Variants in ZNF157 observed in about 807,000 individuals in gnomAD.
ZNF157 encodes the protein zinc finger protein 157.
Under a neutral mutation model 9.4 loss-of-function variants are expected in ZNF157, and 8 were observed. The ratio of observed to expected loss-of-function variants is 0.85; its 90% confidence interval spans 0.50 to 1.53. ZNF157 has a LOEUF of 1.53. ZNF157 is among the 40% of genes most tolerant of loss of function. ZNF157 has a pLI of 0.00. For missense variants in ZNF157, 316 were observed against 385.2 expected (o/e 0.82, Z 1.50); for synonymous variants, 120 against 130.8 (o/e 0.92, Z 0.56).
intron 1 of ZNF157, among the ~76,000 whole-genome samples, chrX:47,391,637 G>A (rs999515256): frequency 3.6e-5 from 4 of 110,371 alleles, no homozygotes; most frequent in Admixed American, 2.9e-4. Context: ...TGCAACCTCC[G>A]CCTCCTGGGT....
intron 1 of ZNF157, among the ~76,000 whole-genome samples, chrX:47,406,060 A>C (rs2055946098): frequency 9.3e-6 from 1 of 107,289 alleles, no homozygotes; most frequent in Non-Finnish European, 1.9e-5. Context: ...GTGTCCTCAT[A>C]GCTTTGCTTT....
intron 1 of ZNF157, among the ~76,000 whole-genome samples, chrX:47,383,255 C>T (rs554375931): frequency 4.8e-4 from 51 of 105,612 alleles, no homozygotes; most frequent in African/African-American, 1.7e-3. Flanking sequence ...ACCTGTAGTC[C>T]CAGCTGCTTG....
intron 1 of ZNF157, among the ~76,000 whole-genome samples, chrX:47,382,282 CTTTT>C (rs764704009): frequency 1.9e-5 from 1 of 53,359 alleles, no homozygotes; most frequent in African/African-American, 8.7e-5. Context: ...TTCAACAGAA[CTTTT>C]TTTTTTTTTT....
intron 1 of ZNF157, among the ~76,000 whole-genome samples, chrX:47,397,825 AGTCTTAGCTTCCAGTTC>A (rs2055918442): frequency 1.8e-5 from 2 of 109,934 alleles, no homozygotes; most frequent in African/African-American, 6.6e-5. Flanking sequence ...GCCGTGTGGC[AGTCTTAGCTTCCAGTTC>A]AATGAAATCA....
intron 1 of ZNF157, among the ~76,000 whole-genome samples, chrX:47,391,538 A>AT (rs1183207575): frequency 9.0e-6 from 1 of 111,301 alleles, no homozygotes; most frequent in Non-Finnish European, 1.9e-5. Context: ...CAGATTTTGG[A>AT]TTTTTTTTCC....
At chrX:47,404,283 G>C (rs981455576) in intron 1 of ZNF157, among the ~76,000 whole-genome samples, 1 of 109,020 alleles carries the variant, frequency 9.2e-6, no homozygotes, top group Admixed American at 9.9e-5. Context: ...CTGCCCCCTC[G>C]GCCTCCCTGT....
chrX:47,385,382 A>C (rs1602762692), intron 1 of ZNF157, among the ~76,000 whole-genome samples: 1 of 111,436 alleles, frequency 9.0e-6, no homozygotes, highest in Non-Finnish European at 1.9e-5. Context: ...TGAAGAGAGA[A>C]ATTCCCATGA....
rs2055938141 is a variant in ZNF157, at chrX:47,403,823, CT to C, written c.73-6448del. Among the ~76,000 whole-genome samples, 2 of 111,771 alleles carry C rather than the reference CT, an allele frequency of 1.8e-5. 1 individual carries two copies. Among genetic ancestry groups the C allele is most frequent in the South Asian group, 7.5e-4 (2 of 2,677 alleles). On this transcript the variant is annotated intron_variant, in intron 1 of 3. Coordinates refer to ENST00000377073, the MANE Select transcript of ZNF157 (RefSeq NM_003446.4). ...CAATTATGAACACACTCAAAACAAA[CT>C]TTTTAAGAAAGTTTTCATAAAAAAA...
chrX:47,408,389 G>A (rs1395331656), intron 1 of ZNF157, among the ~76,000 whole-genome samples: 8 of 109,674 alleles, frequency 7.3e-5, no homozygotes, highest in Middle Eastern at 4.8e-3. Context: ...GATTACAGGC[G>A]TGAGCCACCG....
intron 1 of ZNF157, 39 bp downstream of exon 1, chrX:47,370,779 AT>A: frequency 1.9e-6 from 2 of 1,027,401 alleles, no homozygotes; most frequent in Non-Finnish European, 2.6e-6. Flanking sequence ...TATGTTCTTT[AT>A]TTTTTTATTT....
chrX:47,401,877 C>T (rs949052550), intron 1 of ZNF157, among the ~76,000 whole-genome samples: 1 of 110,374 alleles, frequency 9.1e-6, no homozygotes, highest in Non-Finnish European at 1.9e-5. Context: ...GTAGCTAGGA[C>T]CACAGGTGTG....
intron 1 of ZNF157, among the ~76,000 whole-genome samples, chrX:47,385,304 A>T (rs771933867): frequency 9.0e-6 from 1 of 111,380 alleles, no homozygotes; most frequent in South Asian, 3.7e-4. Context: ...TGGAATAATG[A>T]TTACTGAAGC....
chrX:47,396,496 G>A (rs1246997017), intron 1 of ZNF157, among the ~76,000 whole-genome samples: 4 of 110,364 alleles, frequency 3.6e-5, no homozygotes, highest in Admixed American at 9.8e-5. Context: ...CCGAGATCGC[G>A]CCATTGCACT....
intron 1 of ZNF157, among the ~76,000 whole-genome samples, chrX:47,397,328 C>T (rs57609900): frequency 0.076 from 7,977 of 105,281 alleles, 875 homozygotes; most frequent in African/African-American, 0.27. Flanking sequence ...CCACAACCTC[C>T]GCCTCCCAGG....
intron 1 of ZNF157, among the ~76,000 whole-genome samples, chrX:47,402,979 G>A (rs1248622993): frequency 9.2e-6 from 1 of 109,085 alleles, no homozygotes; most frequent in African/African-American, 3.3e-5. Flanking sequence ...ATAAGCTCCA[G>A]ACTGGGCACA....
At chrX:47,374,521 C>T (rs1246484697) in intron 1 of ZNF157, among the ~76,000 whole-genome samples, 1 of 103,932 alleles carries the variant, frequency 9.6e-6, no homozygotes, top group Non-Finnish European at 2.0e-5. Flanking sequence ...GCCTTAGCCT[C>T]CTGAGTAGCT....
intron 1 of ZNF157, 38 bp downstream of exon 1, chrX:47,370,778 T>C: frequency 9.7e-7 from 1 of 1,030,173 alleles, no homozygotes; most frequent in East Asian, 3.4e-5. Context: ...ATATGTTCTT[T>C]ATTTTTTTAT....
At chrX:47,379,270 G>A (rs914116506) in intron 1 of ZNF157, among the ~76,000 whole-genome samples, 6 of 110,164 alleles carry the variant, frequency 5.4e-5, no homozygotes, top group East Asian at 5.7e-4. Flanking sequence ...TGTGATTACA[G>A]GCATGAGCCA....
chrX:47,403,277 C>T (rs375817827), intron 1 of ZNF157, among the ~76,000 whole-genome samples: 3 of 110,217 alleles, frequency 2.7e-5, no homozygotes, highest in East Asian at 2.9e-4. Context: ...AACTCTGTCT[C>T]GAAAAACAAA....
Sources: gnomAD v4.1 joint callset for allele counts (sites outside exome capture counted in the v4.1 genomes callset) on GRCh38, gnomAD v4.1.1 for gene constraint, MANE v1.5 for transcripts, NCBI Gene and HGNC (gene_info 2026-07-23, HGNC 2026-07-21) for gene names.